The following CLASP1 variants were observed in gnomAD, a reference collection of about 807,000 sequenced individuals.
CLASP1 encodes cytoplasmic linker associated protein 1.
CLASP1 carries 38 observed loss-of-function variants against 192.3 expected under a neutral mutation model. That is an observed-to-expected ratio of 0.20 (90% CI 0.15 to 0.26). The LOEUF is 0.26. Ranked by LOEUF, CLASP1 falls within the 10% of genes least tolerant of loss-of-function variation. The pLI is 1.00. For missense variants in CLASP1, 1,433 were observed against 1,932.5 expected (o/e 0.74, Z 4.85); for synonymous variants, 691 against 712.8 (o/e 0.97, Z 0.49).
chr2:121,467,384 C>T (rs915935785), intron 9 of CLASP1, among the ~76,000 whole-genome samples: 1 of 152,186 alleles, frequency 6.6e-6, no homozygotes, highest in African/African-American at 2.4e-5. Context: ...GGAATTGCCA[C>T]ACTGTCTTCC....
chr2:121,496,290 G>A (rs1416532405), intron 8 of CLASP1, among the ~76,000 whole-genome samples: 1 of 152,200 alleles, frequency 6.6e-6, no homozygotes, highest in Admixed American at 6.5e-5. Context: ...AGTCAGCCTA[G>A]GAAGCCGCTC....
In CLASP1 at chr2:121,602,433, T is replaced by C. The variant is rs113038207; in HGVS notation, c.195+3268A>G. On this transcript the variant is annotated intron_variant, in intron 2 of 39. Transcript: ENST00000263710. The stretch of plus-strand genomic sequence containing the variant: ...CATTCTATCAAAATACCAATGACAT[T>C]CTTCACAGAAATAGAAAAAAAAGTC... 1.4e-3 allele frequency among the ~76,000 whole-genome samples: 209 copies of C among 152,192 alleles called. 1 individual carries two copies. Among genetic ancestry groups the C allele is most frequent in the African/African-American group, 4.7e-3 (197 of 41,530 alleles).
At position 121,405,170 on chromosome 2, in the gene CLASP1, A is replaced by T. The variant is rs1232641082; in HGVS notation, c.2670-736T>A. 5.3e-5 allele frequency among the ~76,000 whole-genome samples: 8 copies of T among 152,094 alleles called. No individual in the cohort carries two copies. The East Asian group carries it at 1.5e-3, about 29-fold the overall frequency. The stretch of plus-strand genomic sequence containing the variant: ...CTAAAAATAAAAAAATTAGCCAGGC[A>T]TGGTGGTGGGTGCCTGTAATCCCAG... On this transcript the variant is annotated intron_variant, in intron 25 of 39. Transcript: ENST00000263710.
At chr2:121,604,860 C>T (rs192392822) in intron 2 of CLASP1, among the ~76,000 whole-genome samples, 12 of 152,216 alleles carry the variant, frequency 7.9e-5, no homozygotes, top group Admixed American at 2.0e-4. Flanking sequence ...GTCTGTAAGC[C>T]CCTTTAACAA....
chr2:121,448,348 T>C, intron 17 of CLASP1, 23 bp from the exon 18 acceptor site: 1 of 1,547,034 alleles, frequency 6.5e-7, no homozygotes, highest in Non-Finnish European at 8.9e-7. Context: ...ATGTATATTA[T>C]TTATTACATG....
At chr2:121,522,124 A>ATG (rs143637796) in intron 6 of CLASP1, among the ~76,000 whole-genome samples, 4 of 152,044 alleles carry the variant, frequency 2.6e-5, no homozygotes, top group Non-Finnish European at 4.4e-5. Context: ...ATGTCTGTGT[A>ATG]TGTGTGTGTG....
intron 26 of CLASP1, chr2:121,403,542 T>C (rs1333523732): frequency 6.6e-6 from 3 of 455,178 alleles, no homozygotes; most frequent in Middle Eastern, 3.3e-4. Flanking sequence ...TAGTTGATCC[T>C]GCATGTCAGC....
At chr2:121,385,850 T>G (rs535497340) in intron 32 of CLASP1, among the ~76,000 whole-genome samples, 1 of 152,344 alleles carries the variant, frequency 6.6e-6, no homozygotes, top group African/African-American at 2.4e-5. Context: ...ACCATCATAT[T>G]CAAAAGTCAA....
At chr2:121,515,577 A>G in intron 7 of CLASP1, 88 bp downstream of exon 7, 1 of 1,010,058 alleles carries the variant, frequency 9.9e-7, no homozygotes, top group Middle Eastern at 2.1e-4. Flanking sequence ...CCACAACAGA[A>G]AAAGTATTGC....
exon 2 of CLASP1, chr2:121,605,948 C>A: frequency 6.5e-7 from 1 of 1,541,558 alleles, no homozygotes; most frequent in Non-Finnish European, 8.9e-7. Context: ...CACGATGACT[C>A]CCTCCCAGCA....
exon 38 of CLASP1, chr2:121,348,666 G>A (rs768080165): frequency 5.6e-6 from 9 of 1,613,802 alleles, no homozygotes; most frequent in South Asian, 2.2e-5. Context: ...GCACTGCTCC[G>A]GGTGGATGGA....
intron 6 of CLASP1, among the ~76,000 whole-genome samples, chr2:121,522,713 G>T (rs1199908627): frequency 6.6e-6 from 1 of 152,146 alleles, no homozygotes; most frequent in Non-Finnish European, 1.5e-5. Context: ...TGAAACTAGT[G>T]TCTGGTATAT....
In CLASP1 at chr2:121,442,244, C is replaced by G. The variant is rs375465023; in HGVS notation, c.1912+5093G>C. Among the ~76,000 whole-genome samples the G allele has an allele frequency of 8.5e-5, 13 of 152,232 alleles. 1 individual carries two copies. Among genetic ancestry groups the G allele is most frequent in the African/African-American group, 1.4e-4 (6 of 41,546 alleles). The stretch of plus-strand genomic sequence containing the variant: ...GCAACATAAAAGACATTATGTTTCC[C>G]TCATCAAAATCTCCAAAAATTACTG... On this transcript the variant is annotated intron_variant, in intron 19 of 39. Transcript: ENST00000263710.
chr2:121,372,634 A>G (rs1276105124), intron 34 of CLASP1, among the ~76,000 whole-genome samples: 2 of 152,242 alleles, frequency 1.3e-5, no homozygotes, highest in African/African-American at 2.4e-5. Flanking sequence ...CAGCCCCAGA[A>G]GACTTCTGAT....
intron 26 of CLASP1, 78 bp downstream of exon 27, chr2:121,404,293 T>C: frequency 6.4e-7 from 1 of 1,562,596 alleles, no homozygotes; most frequent in African/African-American, 1.4e-5. Context: ...GAATTCTCTC[T>C]CATTCTTGGG....
At chr2:121,511,599 A>AAAAG (rs1412268013) in intron 7 of CLASP1, among the ~76,000 whole-genome samples, 1 of 152,060 alleles carries the variant, frequency 6.6e-6, no homozygotes, top group Non-Finnish European at 1.5e-5. Flanking sequence ...AAAAAAAAAA[A>AAAAG]AAAGAGAGAG....
intron 25 of CLASP1, 141 bp from the exon 27 acceptor site, chr2:121,404,575 T>G: frequency 1.3e-6 from 1 of 768,364 alleles, no homozygotes; most frequent in Non-Finnish European, 2.1e-6. Context: ...CAAGTGATCC[T>G]CCCACCTCAG....
chr2:121,531,058 A>AATAAACTAGTACTTTGTGGTTAAACCTCT, intron 2 of CLASP1: 2 of 697,028 alleles, frequency 2.9e-6, no homozygotes, highest in Non-Finnish European at 5.2e-6. Flanking sequence ...GTAATTCGTA[A>AATAAACTAGTACTTTGTGGTTAAACCTCT]ATAAACTAGT....
intron 13 of CLASP1, among the ~76,000 whole-genome samples, chr2:121,458,175 GTAAA>G (rs1239478957): frequency 6.6e-6 from 1 of 152,128 alleles, no homozygotes; most frequent in Non-Finnish European, 1.5e-5. Flanking sequence ...ATAATACAAA[GTAAA>G]TAACCAATAA....
Sources: allele counts gnomAD v4.1 joint callset (sites outside exome capture counted in the v4.1 genomes callset), GRCh38; gene constraint gnomAD v4.1.1; transcripts MANE v1.5; gene names NCBI Gene and HGNC (gene_info 2026-07-23, HGNC 2026-07-21).